The following MESD variants were observed in gnomAD, a reference collection of about 807,000 sequenced individuals.
MESD encodes mesoderm development LRP chaperone.
MESD carries 7 observed loss-of-function variants against 12.9 expected under a neutral mutation model. That is an observed-to-expected ratio of 0.54 (90% CI 0.31 to 1.02). MESD has a LOEUF of 1.02. MESD is among the 50% of genes least tolerant of loss of function. The probability of loss-of-function intolerance (pLI) is 0.05; values close to 1 mark genes in which losing one functional copy is unlikely to be tolerated. For missense variants in MESD, 342 were observed against 296.7 expected, an observed-to-expected ratio of 1.15 and a Z score of -1.12; for synonymous variants, 126 against 115.6, an observed-to-expected ratio of 1.09 and a Z score of -0.58.
At chr15:80,958,729 A>G (rs1222808320) in intron 3 of MESD, among the ~76,000 whole-genome samples, 1 of 152,146 alleles carries the variant, frequency 6.6e-6, no homozygotes, top group Non-Finnish European at 1.5e-5. Context: ...AGTATAAACA[A>G]TCTGCAGAGG....
downstream of MESD, among the ~76,000 whole-genome samples, chr15:80,974,338 A>G (rs562380862): frequency 1.3e-5 from 2 of 150,022 alleles, no homozygotes; most frequent in Non-Finnish European, 3.0e-5. Context: ...TGTCTGCCTA[A>G]TAAGCATGAA....
chr15:80,965,876 A>C (rs563949193), intron 3 of MESD, among the ~76,000 whole-genome samples: 1 of 152,212 alleles, frequency 6.6e-6, no homozygotes, highest in Non-Finnish European at 1.5e-5. Context: ...TGGGTGCAGC[A>C]AACCAACATG....
chr15:80,970,938 G>A (rs1342642456), downstream of MESD, among the ~76,000 whole-genome samples: 1 of 152,146 alleles, frequency 6.6e-6, no homozygotes, highest in Non-Finnish European at 1.5e-5. Flanking sequence ...ATCACCTGGG[G>A]GCGGGGTGGA....
intron 1 of MESD, among the ~76,000 whole-genome samples, chr15:80,989,208 G>A (rs916105739): frequency 3.3e-5 from 5 of 152,192 alleles, no homozygotes; most frequent in Non-Finnish European, 7.3e-5. Context: ...TAGTAGATTG[G>A]GAAAGGTCAC....
chr15:80,957,085 A>G (rs1902002568), intron 3 of MESD, among the ~76,000 whole-genome samples: 1 of 152,070 alleles, frequency 6.6e-6, no homozygotes. Context: ...TCAGCCTCCC[A>G]AAGTGCTGGG....
chr15:80,956,128 T>C (rs1301240838), intron 3 of MESD, among the ~76,000 whole-genome samples: 1 of 152,018 alleles, frequency 6.6e-6, no homozygotes, highest in Non-Finnish European at 1.5e-5. Flanking sequence ...AGGTAGAGTC[T>C]GTGGTGAGCC....
chr15:80,981,589 C>A (rs950280031), intron 2 of MESD, among the ~76,000 whole-genome samples: 1 of 152,154 alleles, frequency 6.6e-6, no homozygotes, highest in Non-Finnish European at 1.5e-5. Context: ...GGTGTGGTGG[C>A]TCACGCCTGT....
In MESD at chr15:80,979,139, G is replaced by A; in HGVS notation, c.*80C>T. 1.3e-6 allele frequency: 2 copies of A among 1,536,506 alleles called. No individual in the cohort carries two copies. Among genetic ancestry groups the A allele is most frequent in the East Asian group, 4.5e-5 (2 of 44,438 alleles). Reference sequence around the variant, plus strand: ...AATGTCATCCGGTGTGCAGTTGCCTGAGACCACTCCCACCCCAGGAGCTGG... The same window carrying A: ...AATGTCATCCGGTGTGCAGTTGCCTAAGACCACTCCCACCCCAGGAGCTGG... On this transcript the variant is annotated 3_prime_UTR_variant, in exon 3 of 3. Transcript: ENST00000261758.
At position 80,989,725 on chromosome 15, in the gene MESD, G is replaced by C. The variant is rs1893246704; in HGVS notation, c.67C>G (p.Leu23Val). 1.9e-6 allele frequency: 3 copies of C among 1,605,658 alleles called. No homozygotes were observed. Among genetic ancestry groups the C allele is most frequent in the Non-Finnish European group, 2.5e-6 (3 of 1,179,020 alleles). The change falls in exon 1 of 3, where the codon CTG (leucine) becomes GTG (valine). Residue 23 changes from leucine to valine, a missense_variant. Physicochemically the swap from Leu to Val is conservative, Grantham distance 32. Transcript: ENST00000261758. The part of the protein sequence containing the change: ...LLCASDLLLL[L>V]LLLPPPGSCA... ...GACCCAGGCGGTGGTAGCAGTAGCAGCAGCAGCAGCAGGTCAGAGGCACAA... is the reference window on the plus strand; with the variant it reads ...GACCCAGGCGGTGGTAGCAGTAGCACCAGCAGCAGCAGGTCAGAGGCACAA...
At chr15:80,949,250 C>CA (rs1756089256) in intron 4 of MESD, 1 of 402,348 alleles carries the variant, frequency 2.5e-6, no homozygotes, top group Non-Finnish European at 4.7e-6. Flanking sequence ...GTTGTGCTGA[C>CA]AGCAAAGATC....
chr15:80,981,503 G>C (rs1460943270), intron 2 of MESD, among the ~76,000 whole-genome samples: 1 of 150,030 alleles, frequency 6.7e-6, no homozygotes, highest in Non-Finnish European at 1.5e-5. Flanking sequence ...AGAAAGGAAA[G>C]GCAGAGGCCC....
chr15:80,967,343 G>C (rs1323635005), intron 3 of MESD, among the ~76,000 whole-genome samples: 2 of 152,096 alleles, frequency 1.3e-5, no homozygotes, highest in African/African-American at 4.8e-5. Context: ...CCCTCAGGGA[G>C]TTTTAATTTA....
intron 3 of MESD, among the ~76,000 whole-genome samples, chr15:80,955,400 G>A (rs1446262688): frequency 6.7e-6 from 1 of 148,432 alleles, no homozygotes; most frequent in Non-Finnish European, 1.5e-5. Context: ...TGAGGCAGGA[G>A]AATGGCGTGA....
exon 5 of MESD, chr15:80,948,645 G>A (rs1901672282): frequency 2.0e-6 from 2 of 1,021,614 alleles, no homozygotes; most frequent in Non-Finnish European, 3.0e-6. Flanking sequence ...ATCAGTAGCT[G>A]AGCACAGAGC....
chr15:80,967,051 G>A (rs982323831), intron 3 of MESD, among the ~76,000 whole-genome samples: 26 of 152,270 alleles, frequency 1.7e-4, no homozygotes, highest in African/African-American at 6.3e-4. Flanking sequence ...CTAGCACTTG[G>A]GAGGCTTAGG....
chr15:80,975,221 C>CA (rs1027637620), downstream of MESD, among the ~76,000 whole-genome samples: 109 of 98,894 alleles, frequency 1.1e-3, no homozygotes, highest in South Asian at 3.0e-3. Context: ...AAAAAAAAAA[C>CA]AAAAAAAAAA....
At chr15:80,953,525 C>T (rs1288489549) in intron 3 of MESD, among the ~76,000 whole-genome samples, 1 of 152,208 alleles carries the variant, frequency 6.6e-6, no homozygotes, top group Non-Finnish European at 1.5e-5. Context: ...GGGCACCTTC[C>T]GTTCCTGTCC....
chr15:80,958,480 G>A (rs911371750), intron 3 of MESD, among the ~76,000 whole-genome samples: 4 of 152,196 alleles, frequency 2.6e-5, no homozygotes, highest in Admixed American at 1.3e-4. Context: ...ACAGGCATGC[G>A]CCACCACACT....
At chr15:80,947,047 A>G, downstream of MESD, 1 of 1,613,308 alleles carries the variant, frequency 6.2e-7, no homozygotes, top group Non-Finnish European at 8.5e-7. Context: ...TGGGGCAGAC[A>G]GGGGTCTCAA....
Sources: allele counts gnomAD v4.1 joint callset (sites outside exome capture counted in the v4.1 genomes callset), GRCh38; gene constraint gnomAD v4.1.1; transcripts MANE v1.5; gene names NCBI Gene and HGNC (gene_info 2026-07-23, HGNC 2026-07-21).